The following CMTM7 variants were observed in gnomAD, a reference collection of about 807,000 sequenced individuals.
CMTM7 encodes the protein CKLF like MARVEL transmembrane domain containing 7.
A neutral mutation model predicts 19.3 loss-of-function variants in CMTM7; 7 were observed. That is an observed-to-expected ratio of 0.36 (90% CI 0.21 to 0.68). The LOEUF (loss-of-function observed/expected upper bound fraction) is 0.68. Among genes scored for constraint, CMTM7 ranks in the 30% least tolerant of loss-of-function variants. The pLI is 0.60. For missense variants in CMTM7, 193 were observed against 232.6 expected, an observed-to-expected ratio of 0.83 and a Z score of 1.11; for synonymous variants, 87 against 99.3, an observed-to-expected ratio of 0.88 and a Z score of 0.74.
At chr3:32,414,406 A>G (rs1696227917) in intron 1 of CMTM7, among the ~76,000 whole-genome samples, 1 of 152,170 alleles carries the variant, frequency 6.6e-6, no homozygotes, top group Non-Finnish European at 1.5e-5. Context: ...GGCTCCTTTT[A>G]TTGCCTCATT....
intron 1 of CMTM7, among the ~76,000 whole-genome samples, chr3:32,410,664 T>A (rs585731): frequency 0.33 from 50,663 of 151,548 alleles, 8,975 homozygotes; most frequent in South Asian, 0.42. Context: ...AGGCTAGGAT[T>A]CCTGTCCTGG....
intron 1 of CMTM7, among the ~76,000 whole-genome samples, chr3:32,424,846 G>A (rs746717235): frequency 7.9e-5 from 12 of 152,056 alleles, no homozygotes; most frequent in Non-Finnish European, 1.0e-4. Context: ...GGGTTTTGCC[G>A]TGTTGCCCAG....
Position 32,442,590 on chromosome 3 carries a change from G to A in CMTM7, c.333+577G>A, listed in dbSNP as rs1425262012. ...CAAGCAACAGAGAATGGCTGTGTGT[G>A]TATGAGTTGGGAAAAGGAACACGGA... On this transcript the variant is annotated intron_variant, in intron 2 of 4. Transcript: ENST00000334983. Among the ~76,000 whole-genome samples, 3 of 151,434 alleles carry A rather than the reference G, an allele frequency of 2.0e-5. No homozygotes were observed. The East Asian group carries it at 5.8e-4, about 29-fold the overall frequency.
At chr3:32,421,381 C>T (rs1045074247) in intron 1 of CMTM7, among the ~76,000 whole-genome samples, 9 of 152,190 alleles carry the variant, frequency 5.9e-5, no homozygotes, top group African/African-American at 2.2e-4. Context: ...GTTTGCCTAA[C>T]ATGGACAACA....
intron 2 of CMTM7, among the ~76,000 whole-genome samples, chr3:32,442,425 G>A (rs755261601): frequency 3.0e-4 from 45 of 148,946 alleles, no homozygotes; most frequent in Non-Finnish European, 5.6e-4. Flanking sequence ...GCGTGAACCC[G>A]GGAGGCGGAG....
At chr3:32,441,805 C>T (rs1286575176) in intron 1 of CMTM7, 35 bp from the exon 2 acceptor site, 2 of 1,601,552 alleles carry the variant, frequency 1.2e-6, no homozygotes, top group South Asian at 2.2e-5. Flanking sequence ...CCGTCTTGGG[C>T]AAGCATTTCT....
At chr3:32,414,618 G>C (rs934741556) in intron 1 of CMTM7, among the ~76,000 whole-genome samples, 5 of 152,178 alleles carry the variant, frequency 3.3e-5, no homozygotes, top group Non-Finnish European at 5.9e-5. Flanking sequence ...TTGAGTTTCT[G>C]ATTCATACAC....
Position 32,424,901 on chromosome 3 carries a change from C to T in CMTM7, c.160-16939C>T, listed in dbSNP as rs545776702. On this transcript the variant is annotated intron_variant, in intron 1 of 4. Transcript: ENST00000334983. Reference sequence around the variant, plus strand: ...GCTCAAAAGATCTGTCCACCTCGGCCTCCCAAAGTGCAGGGATTATAGGCA... The same window carrying T: ...GCTCAAAAGATCTGTCCACCTCGGCTTCCCAAAGTGCAGGGATTATAGGCA... Among the ~76,000 whole-genome samples the T allele has an allele frequency of 3.3e-5, 5 of 152,328 alleles. No individual in the cohort carries two copies. In the South Asian group the frequency reaches 1.0e-3, roughly 32 times the overall value.
chr3:32,439,002 G>T (rs1331695489), intron 1 of CMTM7, among the ~76,000 whole-genome samples: 2 of 152,210 alleles, frequency 1.3e-5, no homozygotes, highest in African/African-American at 4.8e-5. Flanking sequence ...CTTGAATAAT[G>T]ATACTTGAGT....
At chr3:32,434,365 C>G (rs1696563817) in intron 1 of CMTM7, among the ~76,000 whole-genome samples, 1 of 152,144 alleles carries the variant, frequency 6.6e-6, no homozygotes, top group African/African-American at 2.4e-5. Flanking sequence ...GGCCCAATCA[C>G]AGCTTACTGC....
In CMTM7 at chr3:32,404,142, C is replaced by CTTTTTTTTCTTTTTTTTT. The variant is rs1559401304; in HGVS notation, c.159+12085_159+12086insCTTTTTTTTTTTTTTTTT. Among the ~76,000 whole-genome samples the CTTTTTTTTCTTTTTTTTT allele has an allele frequency of 5.6e-4, 61 of 109,220 alleles. 9 individuals are homozygous for CTTTTTTTTCTTTTTTTTT. The highest frequency in any genetic ancestry group is 1.8e-3 in the African/African-American group (42 of 23,548). 71.7% of individuals were successfully genotyped at this position (109,220 alleles called of 152,430 possible). On this transcript the variant is annotated intron_variant, in intron 1 of 4. Transcript: ENST00000334983. ...CCTTTGTTTAATCTTTTCTTTCTTT[C>CTTTTTTTTCTTTTTTTTT]TTTTTTTTTCTTTTTTTTTCTTTTT... is the stretch of plus-strand genomic sequence containing the variant.
chr3:32,432,959 C>G (rs187271153), intron 1 of CMTM7, among the ~76,000 whole-genome samples: 1 of 152,160 alleles, frequency 6.6e-6, no homozygotes, highest in Non-Finnish European at 1.5e-5. Flanking sequence ...TCCTTTCGCT[C>G]CCATGCCTAT....
intron 1 of CMTM7, among the ~76,000 whole-genome samples, chr3:32,430,435 C>T (rs1696498841): frequency 6.6e-6 from 1 of 152,128 alleles, no homozygotes; most frequent in South Asian, 2.1e-4. Context: ...AGCCTGCTGG[C>T]CATTTTTACT....
chr3:32,444,993 T>G (rs1696733423), intron 2 of CMTM7, among the ~76,000 whole-genome samples: 1 of 152,242 alleles, frequency 6.6e-6, no homozygotes, highest in African/African-American at 2.4e-5. Flanking sequence ...TTTCTTAATT[T>G]TATTTCCAGA....
intron 3 of CMTM7, 22 bp from the exon 4 acceptor site, chr3:32,452,370 C>G (rs1696850532): frequency 1.2e-6 from 2 of 1,614,016 alleles, no homozygotes; most frequent in South Asian, 1.1e-5. Context: ...TGTGAACTTC[C>G]TCTCCCCTCT....
At chr3:32,427,408 G>C (rs908881153) in intron 1 of CMTM7, among the ~76,000 whole-genome samples, 2 of 152,178 alleles carry the variant, frequency 1.3e-5, no homozygotes, top group African/African-American at 4.8e-5. Flanking sequence ...ACTGGAAGGA[G>C]CTGTGGCAGA....
In CMTM7 at chr3:32,391,970, GC is replaced by G; in HGVS notation, c.66del (p.Gly23AlafsTer26). On this transcript the variant is annotated frameshift_variant, in exon 1 of 5. Coordinates refer to ENST00000334983, the MANE Select transcript of CMTM7 (RefSeq NM_138410.4). LOFTEE classifies it high-confidence loss of function. ...CAGCGGCAGCGCGCTCGGACCCGGG[GC>G]CGGCGCGGCCCAGCCCAGCGCGAGC... is the stretch of plus-strand genomic sequence containing the variant. ...CSSGSALGPG[A>X]GAAQPSASPL... The G allele has an allele frequency of 4.9e-6, 6 of 1,232,056 alleles. No individual in the cohort carries two copies. The highest frequency in any genetic ancestry group is 6.1e-6 in the Non-Finnish European group (6 of 986,762). 76.3% of individuals were successfully genotyped at this position (1,232,056 alleles called of 1,614,324 possible).
At chr3:32,422,057 C>G (rs1446234890) in intron 1 of CMTM7, among the ~76,000 whole-genome samples, 1 of 152,164 alleles carries the variant, frequency 6.6e-6, no homozygotes, top group Non-Finnish European at 1.5e-5. Context: ...TCCTGTTTGG[C>G]CTTCCTTCCT....
chr3:32,410,350 TACTC>T lies in CMTM7; in HGVS notation c.159+18287_159+18290del, dbSNP rs575957102. Reference sequence around the variant, plus strand: ...AAGGTGGTGCCTGGAACACAGGAAATACTCATCATCTTTTTTCAAATGAACACAT... The same window carrying T: ...AAGGTGGTGCCTGGAACACAGGAAATATCATCTTTTTTCAAATGAACACAT... On this transcript the variant is annotated intron_variant, in intron 1 of 4. Transcript: ENST00000334983. Among the ~76,000 whole-genome samples, 6 of 152,330 alleles carry T rather than the reference TACTC, an allele frequency of 3.9e-5. No homozygotes were observed. The South Asian group carries it at 1.2e-3, about 32-fold the overall frequency.
Sources: gnomAD v4.1 joint callset for allele counts (sites outside exome capture counted in the v4.1 genomes callset) on GRCh38, gnomAD v4.1.1 for gene constraint, MANE v1.5 for transcripts, NCBI Gene and HGNC (gene_info 2026-07-23, HGNC 2026-07-21) for gene names.